ADGB: variants seen among roughly 807,000 people sequenced by gnomAD.
ADGB encodes androglobin.
A neutral mutation model predicts 210.5 loss-of-function variants in ADGB; 172 were observed. The observed-to-expected ratio is 0.82, with a 90% CI of 0.72 to 0.93. The LOEUF is 0.93. Ranked by LOEUF, ADGB falls within the 40% of genes least tolerant of loss-of-function variation. ADGB has a pLI of 0.00. For synonymous variants in ADGB, 658 were observed against 662.7 expected (o/e 0.99, Z 0.11); for missense variants, 2,025 against 1,964.8 (o/e 1.03, Z -0.58).
At chr6:146,737,419 G>A (rs1423568060) in intron 23 of ADGB, among the ~76,000 whole-genome samples, 5 of 152,100 alleles carry the variant, frequency 3.3e-5, no homozygotes, top group Admixed American at 2.6e-4. Flanking sequence ...ATAGCGTAAG[G>A]GACTTGTGGG....
At chr6:146,809,759 A>C (rs1778275637) in intron 35 of ADGB, among the ~76,000 whole-genome samples, 3 of 152,234 alleles carry the variant, frequency 2.0e-5, no homozygotes, top group African/African-American at 7.2e-5. Flanking sequence ...CTAAATATCC[A>C]CATGCAAAAG....
chr6:146,770,564 G>T (rs1182138878), intron 29 of ADGB: 1 of 469,966 alleles, frequency 2.1e-6, no homozygotes. Context: ...ATGTCAATAA[G>T]TGTTTAATGA....
At chr6:146,734,512 C>T (rs1404351105) in intron 22 of ADGB, among the ~76,000 whole-genome samples, 2 of 152,088 alleles carry the variant, frequency 1.3e-5, no homozygotes, top group Non-Finnish European at 2.9e-5. Flanking sequence ...CATAGTGACA[C>T]ACATCTAGAA....
chr6:146,657,328 A>C (rs942421762), intron 5 of ADGB, among the ~76,000 whole-genome samples: 1 of 152,100 alleles, frequency 6.6e-6, no homozygotes, highest in South Asian at 2.1e-4. Flanking sequence ...TCCAAAAAAA[A>C]AAAAAGAAAG....
intron 33 of ADGB, among the ~76,000 whole-genome samples, chr6:146,789,160 TAAGC>T (rs1312520033): frequency 6.6e-6 from 1 of 152,200 alleles, no homozygotes; most frequent in African/African-American, 2.4e-5. Context: ...CATGAATTCC[TAAGC>T]AACTCCTCAA....
In ADGB at chr6:146,802,678, G is replaced by GA. The variant is rs112256903; in HGVS notation, c.4818+673dup. The GA allele has an allele frequency of 1.3e-3, 1,313 of 980,498 alleles. 16 individuals carry two copies. The African/African-American group carries it at 0.018, about 13-fold the overall frequency. 60.7% of individuals were successfully genotyped at this position (980,498 alleles called of 1,614,324 possible). ...GGTTTCATTATGTGGCTTTTTAAAA[G>GA]AAAAAATAGTTTTGATTTCTTCCAC... On this transcript the variant is annotated intron_variant, in intron 35 of 35. Coordinates refer to ENST00000397944, the MANE Select transcript of ADGB (RefSeq NM_024694.4).
intron 5 of ADGB, among the ~76,000 whole-genome samples, chr6:146,662,628 A>G (rs1775877845): frequency 6.6e-6 from 1 of 151,912 alleles, no homozygotes; most frequent in Admixed American, 6.6e-5. Context: ...TGGCCTGTCG[A>G]CTGTATTTTC....
At chr6:146,693,897 C>A (rs1044437664) in intron 12 of ADGB, among the ~76,000 whole-genome samples, 6 of 152,132 alleles carry the variant, frequency 3.9e-5, no homozygotes, top group African/African-American at 1.4e-4. Context: ...GGCCCAATAA[C>A]ATGTTCCTAA....
intron 33 of ADGB, among the ~76,000 whole-genome samples, chr6:146,789,760 G>C (rs1777928434): frequency 6.6e-6 from 1 of 152,126 alleles, no homozygotes. Context: ...TCTCACTTGA[G>C]ATTCCAGGAA....
intron 5 of ADGB, among the ~76,000 whole-genome samples, chr6:146,659,785 A>G (rs979672063): frequency 1.3e-5 from 2 of 152,120 alleles, no homozygotes; most frequent in African/African-American, 4.8e-5. Context: ...TCATCTCGTC[A>G]AGTGCCTTCC....
At chr6:146,775,921 T>C (rs1562298061) in intron 29 of ADGB, among the ~76,000 whole-genome samples, 1 of 152,090 alleles carries the variant, frequency 6.6e-6, no homozygotes, top group Non-Finnish European at 1.5e-5. Flanking sequence ...AGCTTAGAAA[T>C]ATGTAAATTT....
At chr6:146,812,617 G>T (rs1170493633) in intron 35 of ADGB, among the ~76,000 whole-genome samples, 1 of 152,204 alleles carries the variant, frequency 6.6e-6, no homozygotes, top group Non-Finnish European at 1.5e-5. Flanking sequence ...GACATCTCAG[G>T]TTAGGTGGAG....
At chr6:146,643,919 C>A (rs1381221140) in intron 2 of ADGB, among the ~76,000 whole-genome samples, 1 of 151,792 alleles carries the variant, frequency 6.6e-6, no homozygotes, top group Non-Finnish European at 1.5e-5. Flanking sequence ...TACTTCCTTA[C>A]AATTATACCA....
intron 1 of ADGB, among the ~76,000 whole-genome samples, chr6:146,618,716 C>G (rs534327919): frequency 6.6e-6 from 1 of 152,050 alleles, no homozygotes; most frequent in Admixed American, 6.5e-5. Context: ...AGAAAAGATA[C>G]TTGATATGAT....
chr6:146,737,410 T>C (rs1777095875), intron 23 of ADGB, among the ~76,000 whole-genome samples: 1 of 151,956 alleles, frequency 6.6e-6, no homozygotes, highest in South Asian at 2.1e-4. Context: ...GAATGGAAAA[T>C]AGCGTAAGGG....
chr6:146,694,115 C>T (rs1044104005), intron 12 of ADGB, among the ~76,000 whole-genome samples: 1 of 152,118 alleles, frequency 6.6e-6, no homozygotes, highest in Admixed American at 6.6e-5. Flanking sequence ...ACTCTTCCAG[C>T]CTTTATTACC....
At position 146,809,819 on chromosome 6, in the gene ADGB, A is replaced by G. The variant is rs532913580; in HGVS notation, c.4819-5213A>G. Among the ~76,000 whole-genome samples, 16 of 152,352 alleles carry G rather than the reference A, an allele frequency of 1.1e-4. No individual in the cohort carries two copies. The South Asian group carries it at 3.3e-3, about 32-fold the overall frequency. On this transcript the variant is annotated intron_variant, in intron 35 of 35. Coordinates refer to ENST00000397944, the MANE Select transcript of ADGB (RefSeq NM_024694.4). ...GCTATACAAAAAAATTAAATAGATT[A>G]AAGATTTAAATGTAACATTGGAACT... is the stretch of plus-strand genomic sequence containing the variant.
At chr6:146,661,481 G>A (rs749347929) in intron 5 of ADGB, among the ~76,000 whole-genome samples, 3 of 151,792 alleles carry the variant, frequency 2.0e-5, no homozygotes, top group Non-Finnish European at 4.4e-5. Context: ...GCCTCCCAAA[G>A]TGTTGGGATT....
chr6:146,734,208 G>A (rs1245140602), intron 22 of ADGB, among the ~76,000 whole-genome samples, 178 bp downstream of exon 22: 2 of 152,186 alleles, frequency 1.3e-5, no homozygotes, highest in African/African-American at 4.8e-5. Context: ...CTTGTTCCCA[G>A]GATTGGCACA....
Sources: allele counts gnomAD v4.1 joint callset (sites outside exome capture counted in the v4.1 genomes callset), GRCh38; gene constraint gnomAD v4.1.1; transcripts MANE v1.5; gene names NCBI Gene and HGNC (gene_info 2026-07-23, HGNC 2026-07-21).